Variants in MLIP observed in about 807,000 individuals in gnomAD.
The protein encoded by MLIP is muscular LMNA interacting protein, also known as muscular LMNA-interacting protein.
MLIP carries 79 observed loss-of-function variants against 84.8 expected under a neutral mutation model. That is an observed-to-expected ratio of 0.93 (90% confidence interval 0.78 to 1.12). The LOEUF (loss-of-function observed/expected upper bound fraction) is 1.12, where lower values mean the gene tolerates loss of function less well. Among genes scored for constraint, MLIP ranks in the 50% most tolerant of loss-of-function variants. The probability of loss-of-function intolerance (pLI) is 0.00; values close to 1 mark genes in which losing one functional copy is unlikely to be tolerated. For missense variants in MLIP, 1,257 were observed against 1,160.6 expected (o/e 1.08, Z -1.21); for synonymous variants, 504 against 463.0 (o/e 1.09, Z -1.14).
chr6:54,120,337 C>T (rs976685313), intron 1 of MLIP, among the ~76,000 whole-genome samples: 1 of 152,120 alleles, frequency 6.6e-6, no homozygotes, highest in Non-Finnish European at 1.5e-5. Context: ...TGGGTTCACG[C>T]CATTCTCCTG....
intron 11 of MLIP, among the ~76,000 whole-genome samples, chr6:54,229,842 T>C (rs1582567911): frequency 6.6e-6 from 1 of 152,244 alleles, no homozygotes; most frequent in Non-Finnish European, 1.5e-5. Flanking sequence ...ATGCATGTGC[T>C]GTGTGTGTAA....
At chr6:54,134,880 T>C (rs1771673457) in intron 3 of MLIP, among the ~76,000 whole-genome samples, 1 of 152,064 alleles carries the variant, frequency 6.6e-6, no homozygotes, top group African/African-American at 2.4e-5. Flanking sequence ...CCAGGCATAG[T>C]ACAACATGCA....
At chr6:54,182,974 C>T (rs113627451) in intron 9 of MLIP, among the ~76,000 whole-genome samples, 1 of 152,236 alleles carries the variant, frequency 6.6e-6, no homozygotes, top group African/African-American at 2.4e-5. Context: ...CAGGTAAGAT[C>T]TCATTTTAGT....
rs1766133329 is a variant in MLIP, at chr6:54,064,047, C to G, written c.63+44956C>G. Among the ~76,000 whole-genome samples, 3 of 99,710 alleles carry G rather than the reference C, an allele frequency of 3.0e-5. 1 individual carries two copies. Among genetic ancestry groups the G allele is most frequent in the Non-Finnish European group, 8.6e-5 (3 of 34,760 alleles). 65.4% of individuals were successfully genotyped at this position (99,710 alleles called of 152,430 possible). Reference sequence around the variant, plus strand: ...AGTATTGATGATCCTTATTTTCTAACTACTAAAAATTATTGGTTTTAGTTT... The same window carrying G: ...AGTATTGATGATCCTTATTTTCTAAGTACTAAAAATTATTGGTTTTAGTTT... On this transcript the variant is annotated intron_variant, in intron 1 of 12. Transcript: ENST00000274897.
intron 1 of MLIP, among the ~76,000 whole-genome samples, chr6:54,118,685 A>G (rs944965229): frequency 2.0e-5 from 3 of 152,228 alleles, no homozygotes; most frequent in Non-Finnish European, 4.4e-5. Flanking sequence ...CAAACTAAAA[A>G]GCTTCTGTAC....
chr6:54,212,271 T>C (rs1304390663), intron 11 of MLIP, among the ~76,000 whole-genome samples: 1 of 152,206 alleles, frequency 6.6e-6, no homozygotes, highest in Non-Finnish European at 1.5e-5. Flanking sequence ...TTCCTGATAT[T>C]GGATCTTATT....
chr6:54,024,639 T>C (rs1581975016), intron 1 of MLIP, among the ~76,000 whole-genome samples: 1 of 152,202 alleles, frequency 6.6e-6, no homozygotes, highest in South Asian at 2.1e-4. Context: ...ATTATTACGC[T>C]TTGATTATTT....
At chr6:54,037,911 T>C (rs1450583385) in intron 1 of MLIP, among the ~76,000 whole-genome samples, 3 of 152,008 alleles carry the variant, frequency 2.0e-5, no homozygotes, top group Admixed American at 2.0e-4. Flanking sequence ...TAGTGTATTG[T>C]AATCTCAGTA....
At chr6:54,231,479 G>A (rs1359415608) in intron 12 of MLIP, among the ~76,000 whole-genome samples, 6 of 75,590 alleles carry the variant, frequency 7.9e-5, no homozygotes, top group African/African-American at 1.7e-4. Context: ...GTGTGTGTGC[G>A]TGTGTCTGTC....
intron 11 of MLIP, 46 bp from the exon 12 acceptor site, chr6:54,230,668 C>CT (rs1562085299): frequency 1.9e-6 from 3 of 1,592,664 alleles, no homozygotes; most frequent in East Asian, 4.5e-5. Context: ...GCGTGCTTGA[C>CT]TTTTTTATGC....
At chr6:54,115,922 T>C (rs1453993203) in intron 1 of MLIP, among the ~76,000 whole-genome samples, 1 of 152,070 alleles carries the variant, frequency 6.6e-6, no homozygotes, top group Non-Finnish European at 1.5e-5. Context: ...AACTAGAAAG[T>C]GAAGGGAGTA....
At chr6:54,055,314 T>C (rs967104681) in intron 1 of MLIP, among the ~76,000 whole-genome samples, 1 of 152,238 alleles carries the variant, frequency 6.6e-6, no homozygotes, top group African/African-American at 2.4e-5. Context: ...AATATGTGTA[T>C]ATATATTGAA....
At chr6:54,138,540 A>G (rs1772028731) in intron 4 of MLIP, among the ~76,000 whole-genome samples, 2 of 152,030 alleles carry the variant, frequency 1.3e-5, no homozygotes, top group African/African-American at 4.8e-5. Flanking sequence ...TATATCTATG[A>G]CTCCAAGGGT....
At position 54,202,242 on chromosome 6, in the gene MLIP, A is replaced by C; in HGVS notation, c.2718+9A>C. ...ACCTCTTTTCTGAACAGGTGAGCAC[A>C]TACAAGAGAAAATGTTTGCTATTTT... On this transcript the variant is annotated intron_variant, in intron 11 of 13. Coordinates refer to ENST00000502396, the MANE Select transcript of MLIP (RefSeq NM_001281747.2). The C allele has an allele frequency of 7.0e-7, 1 of 1,425,420 alleles. No homozygotes were observed. Among genetic ancestry groups the C allele is most frequent in the Non-Finnish European group, 9.2e-7 (1 of 1,086,696 alleles). The allele number at this position is 1,425,420 out of a possible 1,614,324, so 88.3% of individuals were successfully genotyped here.
chr6:54,081,708 C>T (rs1187279209), intron 1 of MLIP, among the ~76,000 whole-genome samples: 5 of 152,218 alleles, frequency 3.3e-5, no homozygotes, highest in Admixed American at 2.0e-4. Flanking sequence ...GCACCGCGCC[C>T]GGCCAGGGTC....
intron 10 of MLIP, among the ~76,000 whole-genome samples, chr6:54,200,120 C>T (rs1778567110): frequency 6.6e-6 from 1 of 152,074 alleles, no homozygotes; most frequent in Non-Finnish European, 1.5e-5. Flanking sequence ...ATCTGATATC[C>T]AACCAACCAG....
chr6:54,053,058 G>A (rs1458375124), intron 1 of MLIP, among the ~76,000 whole-genome samples: 1 of 152,168 alleles, frequency 6.6e-6, no homozygotes, highest in Admixed American at 6.5e-5. Context: ...TCACAAAAGT[G>A]AGCACTTATA....
At chr6:54,020,399 A>G (rs1305099469) in intron 1 of MLIP, among the ~76,000 whole-genome samples, 2 of 152,226 alleles carry the variant, frequency 1.3e-5, no homozygotes, top group Non-Finnish European at 2.9e-5. Context: ...TGCATTTAAA[A>G]GTAAAAAGGA....
chr6:54,151,006 C>A (rs375957322), intron 5 of MLIP, among the ~76,000 whole-genome samples: 1 of 152,080 alleles, frequency 6.6e-6, no homozygotes, highest in African/African-American at 2.4e-5. Flanking sequence ...ATTGTTCATA[C>A]AAAAAATATA....
Sources: gnomAD v4.1 joint callset for allele counts (sites outside exome capture counted in the v4.1 genomes callset) on GRCh38, gnomAD v4.1.1 for gene constraint, MANE v1.5 for transcripts, NCBI Gene and HGNC (gene_info 2026-07-23, HGNC 2026-07-21) for gene names.